The following ITGA2 variants were observed in gnomAD, a reference collection of about 807,000 sequenced individuals.
ITGA2 encodes integrin alpha-2.
Under a neutral mutation model 146.3 loss-of-function variants are expected in ITGA2, and 101 were observed. The observed-to-expected ratio is 0.69, with a 90% CI of 0.59 to 0.81. The LOEUF (loss-of-function observed/expected upper bound fraction) is 0.81. Ranked by LOEUF, ITGA2 falls within the 40% of genes least tolerant of loss-of-function variation. The pLI, the probability that ITGA2 is intolerant of heterozygous loss-of-function variation, is 0.00. For synonymous variants in ITGA2, 477 were observed against 487.1 expected, an observed-to-expected ratio of 0.98 and a Z score of 0.27; for missense variants, 1,281 against 1,402.7, an observed-to-expected ratio of 0.91 and a Z score of 1.39.
intron 1 of ITGA2, 132 bp from the exon 2 acceptor site, chr5:53,026,616 T>C: frequency 1.2e-6 from 1 of 802,346 alleles, no homozygotes; most frequent in Non-Finnish European, 2.0e-6. Flanking sequence ...GTAGTTATTT[T>C]TTCTGGGTAA....
intron 15 of ITGA2, among the ~76,000 whole-genome samples, chr5:53,066,804 T>G (rs969649705): frequency 6.6e-6 from 1 of 151,872 alleles, no homozygotes; most frequent in African/African-American, 2.4e-5. Context: ...GAAAATATAT[T>G]TACTGAATAA....
At chr5:53,090,106 C>T in intron 29 of ITGA2, 44 bp downstream of exon 29, 1 of 1,173,604 alleles carries the variant, frequency 8.5e-7, no homozygotes, top group South Asian at 1.2e-5. Flanking sequence ...TCCTGAAGGC[C>T]AGCCTTGAAT....
chr5:52,998,694 A>G (rs1407254703), intron 1 of ITGA2, among the ~76,000 whole-genome samples: 8 of 152,156 alleles, frequency 5.3e-5, no homozygotes, highest in African/African-American at 1.7e-4. Context: ...TTCTATTTCA[A>G]TAACCCTTTC....
intron 2 of ITGA2, among the ~76,000 whole-genome samples, chr5:53,028,959 T>A (rs569218274): frequency 6.6e-6 from 1 of 152,216 alleles, no homozygotes; most frequent in Non-Finnish European, 1.5e-5. Context: ...GTCTTTGCTC[T>A]AGCCAGTGTG....
chr5:53,028,844 C>T (rs187040825), intron 2 of ITGA2, among the ~76,000 whole-genome samples: 2 of 152,328 alleles, frequency 1.3e-5, no homozygotes, highest in Admixed American at 1.3e-4. Context: ...CTCACTGTCT[C>T]TCCTGATGCC....
intron 12 of ITGA2, among the ~76,000 whole-genome samples, chr5:53,062,307 C>T (rs1337047785): frequency 6.6e-6 from 1 of 151,888 alleles, no homozygotes; most frequent in African/African-American, 2.4e-5. Flanking sequence ...ATCACTCAGC[C>T]TTTGGGACTT....
In ITGA2 at chr5:53,080,643, A is replaced by T. The variant is rs369762145; in HGVS notation, c.3039+22A>T. 4.0e-6 allele frequency: 6 copies of T among 1,510,618 alleles called. No homozygotes were observed. In the African/African-American group the frequency reaches 6.9e-5, roughly 17 times the overall value. The allele number at this position is 1,510,618 out of a possible 1,614,324, so 93.6% of individuals were successfully genotyped here. A position where few individuals can be genotyped will look rare whatever the true frequency, so the allele number is the denominator to read the frequency against. On this transcript the variant is annotated intron_variant, in intron 25 of 29. Coordinates refer to ENST00000296585, the MANE Select transcript of ITGA2 (RefSeq NM_002203.4). ...CAAGGTAAAGATTAAAAAATTGCCT[A>T]AAAATGTGTACTTTCAAGATGTAAA...
chr5:53,060,110 C>T (rs1744833061), intron 11 of ITGA2, 98 bp downstream of exon 11: 2 of 1,231,972 alleles, frequency 1.6e-6, no homozygotes, highest in East Asian at 2.4e-5. Flanking sequence ...AATCCTTGAA[C>T]TGTCATCTAA....
intron 1 of ITGA2, among the ~76,000 whole-genome samples, chr5:53,001,538 G>T (rs148392617): frequency 6.6e-6 from 1 of 152,024 alleles, no homozygotes; most frequent in South Asian, 2.1e-4. Context: ...TTGGCAAATC[G>T]CTTTCTTCAC....
Position 53,070,397 on chromosome 5 carries a change from T to C in ITGA2, c.2235+137T>C, listed in dbSNP as rs1745334830. 4 of 761,508 alleles carry C rather than the reference T, an allele frequency of 5.3e-6. No homozygotes were observed. The South Asian group carries it at 6.5e-5, about 12-fold the overall frequency. 47.2% of individuals were successfully genotyped at this position (761,508 alleles called of 1,614,324 possible). A position where few individuals can be genotyped will look rare whatever the true frequency, so the allele number is the denominator to read the frequency against. On this transcript the variant is annotated intron_variant, in intron 17 of 29. Transcript: ENST00000296585. ...TGCCTTTCTTATGTAATTCCATAAA[T>C]AAGAAGCATATTTACTTTATGCTAA...
rs148219935 is a variant in ITGA2 at position 53,026,045 on chromosome 5, T to C, written c.65-703T>C. On this transcript the variant is annotated intron_variant, in intron 1 of 29. Coordinates refer to ENST00000296585, the MANE Select transcript of ITGA2 (RefSeq NM_002203.4). Reference sequence around the variant, plus strand: ...TTTTGAAATGATTAGCATTTCTCAATCATTCAGAAAGAAGCATCAAAAACA... The same window carrying C: ...TTTTGAAATGATTAGCATTTCTCAACCATTCAGAAAGAAGCATCAAAAACA... 1.8e-3 allele frequency among the ~76,000 whole-genome samples: 281 copies of C among 152,356 alleles called. 1 individual carries two copies. Among genetic ancestry groups the C allele is most frequent in the African/African-American group, 6.6e-3 (274 of 41,582 alleles).
intron 24 of ITGA2, among the ~76,000 whole-genome samples, chr5:53,079,290 G>A (rs950282875): frequency 1.7e-4 from 26 of 152,114 alleles, no homozygotes; most frequent in African/African-American, 5.8e-4. Context: ...ATAAAGGAAG[G>A]TATTGCTGTG....
intron 1 of ITGA2, among the ~76,000 whole-genome samples, chr5:52,998,330 T>G (rs2111679278): frequency 6.6e-6 from 1 of 152,236 alleles, no homozygotes; most frequent in Admixed American, 6.5e-5. Flanking sequence ...GGCAGGTTCC[T>G]GTAATCCCAG....
intron 1 of ITGA2, among the ~76,000 whole-genome samples, chr5:53,002,769 A>G (rs1290932857): frequency 6.6e-6 from 1 of 152,150 alleles, no homozygotes; most frequent in East Asian, 1.9e-4. Flanking sequence ...CTTGTTGCAT[A>G]TGGAACAGTG....
rs956142635 is a variant in ITGA2, at chr5:53,042,058, C to T, written c.186-54C>T. On this transcript the variant is annotated intron_variant, in intron 2 of 29. Coordinates refer to ENST00000296585, the MANE Select transcript of ITGA2 (RefSeq NM_002203.4). The stretch of plus-strand genomic sequence containing the variant: ...TTTCACTGTTTGTGATCAGGTTTAT[C>T]TTTAAGAAACTATACTTAACACTTT... 7.6e-6 allele frequency: 8 copies of T among 1,049,880 alleles called. 1 individual carries two copies. In the African/African-American group the frequency reaches 1.3e-4, roughly 16 times the overall value. The allele number at this position is 1,049,880 out of a possible 1,614,324, so 65.0% of individuals were successfully genotyped here.
chr5:53,043,379 G>A (rs1003233537), intron 3 of ITGA2, among the ~76,000 whole-genome samples: 1 of 151,868 alleles, frequency 6.6e-6, no homozygotes, highest in Non-Finnish European at 1.5e-5. Flanking sequence ...TACATGTACT[G>A]GCCTATCTTC....
At chr5:52,998,344 C>T (rs1242668354) in intron 1 of ITGA2, among the ~76,000 whole-genome samples, 3 of 152,098 alleles carry the variant, frequency 2.0e-5, no homozygotes, top group Admixed American at 2.0e-4. Context: ...ATCCCAGCTA[C>T]TCGAGAGGCT....
chr5:53,025,999 T>TG (rs1295376539), intron 1 of ITGA2, among the ~76,000 whole-genome samples: 1 of 152,280 alleles, frequency 6.6e-6, no homozygotes, highest in African/African-American at 2.4e-5. Flanking sequence ...AGGCTTTATA[T>TG]GCCTTGGTCT....
At chr5:53,052,930 A>T (rs1218160942) in intron 7 of ITGA2, among the ~76,000 whole-genome samples, 1 of 152,126 alleles carries the variant, frequency 6.6e-6, no homozygotes, top group African/African-American at 2.4e-5. Context: ...ACTCTCTCCC[A>T]AAACTCACAC....
Sources: gnomAD v4.1 joint callset for allele counts (sites outside exome capture counted in the v4.1 genomes callset) on GRCh38, gnomAD v4.1.1 for gene constraint, MANE v1.5 for transcripts, NCBI Gene and HGNC (gene_info 2026-07-23, HGNC 2026-07-21) for gene names.